Variants in NBEA observed in about 807,000 individuals in gnomAD.
The protein encoded by NBEA is neurobeachin.
NBEA carries 44 observed loss-of-function variants against 343.4 expected under a neutral mutation model. That is an observed-to-expected ratio of 0.13 (90% CI 0.10 to 0.16). The LOEUF is 0.16. Among genes scored for constraint, NBEA ranks in the 10% least tolerant of loss-of-function variants. The probability of loss-of-function intolerance (pLI) is 1.00; values close to 1 mark genes in which losing one functional copy is unlikely to be tolerated. For synonymous variants in NBEA, 1,175 were observed against 1,238.7 expected, an observed-to-expected ratio of 0.95 and a Z score of 1.08; for missense variants, 2,555 against 3,631.3, an observed-to-expected ratio of 0.70 and a Z score of 7.62.
chr13:35,337,114 A>G (rs77422750), intron 36 of NBEA, among the ~76,000 whole-genome samples: 1 of 152,126 alleles, frequency 6.6e-6, no homozygotes, highest in African/African-American at 2.4e-5. Flanking sequence ...AATAAATAAG[A>G]CATATTGAAA....
At chr13:35,156,862 A>G (rs2069207627) in intron 20 of NBEA, among the ~76,000 whole-genome samples, 1 of 152,204 alleles carries the variant, frequency 6.6e-6, no homozygotes, top group African/African-American at 2.4e-5. Flanking sequence ...TGTGAAAGTT[A>G]GGAAAATGAT....
intron 55 of NBEA, among the ~76,000 whole-genome samples, chr13:35,659,968 A>G (rs2085000751): frequency 6.6e-6 from 1 of 152,206 alleles, no homozygotes; most frequent in Admixed American, 6.5e-5. Context: ...AGAGCAGGCA[A>G]TTTGTGCTAA....
At chr13:35,194,521 T>A (rs928002121) in intron 30 of NBEA, among the ~76,000 whole-genome samples, 2 of 152,154 alleles carry the variant, frequency 1.3e-5, no homozygotes, top group Non-Finnish European at 2.9e-5. Flanking sequence ...TTTCAAAGAT[T>A]ATGAAACTTT....
chr13:35,298,247 ATG>A (rs1386018225), intron 35 of NBEA, among the ~76,000 whole-genome samples: 618 of 101,906 alleles, frequency 6.1e-3, no homozygotes, highest in South Asian at 0.017. Context: ...ATATATATAT[ATG>A]TATATGCTTC....
chr13:35,651,724 C>T, intron 52 of NBEA, 81 bp from the exon 53 acceptor site: 1 of 812,444 alleles, frequency 1.2e-6, no homozygotes, highest in Non-Finnish European at 2.1e-6. Context: ...TTTGTAAAAT[C>T]ATCATAAAAC....
chr13:35,143,514 C>T (rs371752230), intron 18 of NBEA, among the ~76,000 whole-genome samples: 6 of 152,170 alleles, frequency 3.9e-5, no homozygotes, highest in South Asian at 4.1e-4. Context: ...CAAGGCCTTG[C>T]GTCTGTTATA....
rs1265698121 is a variant in NBEA, at chr13:34,942,962, G to T, written c.142G>T (p.Ala48Ser). ...CAGCGGGATGGGGGAGCTAAGGGGG[G>T]CGTCCGGCTCCGGCTCGGTGATGCT... ...GGSGMGELRG[A>S]SGSGSVMLPA... The change falls in exon 1 of 59, where the codon GCG becomes TCG. Residue 48 changes from alanine (A) to serine (S), a missense_variant. Transcript: ENST00000379939. 6.3e-7 allele frequency: 1 copy of T among 1,599,840 alleles called. No homozygotes were observed. The highest frequency in any genetic ancestry group is 1.4e-5 in the African/African-American group (1 of 73,732).
chr13:35,494,087 A>G (rs2076590637), intron 41 of NBEA, among the ~76,000 whole-genome samples: 1 of 151,980 alleles, frequency 6.6e-6, no homozygotes, highest in Non-Finnish European at 1.5e-5. Context: ...TAAAGGGTAT[A>G]ATGAATATGA....
At chr13:34,955,982 A>G (rs935200485) in intron 1 of NBEA, among the ~76,000 whole-genome samples, 2 of 152,236 alleles carry the variant, frequency 1.3e-5, no homozygotes, top group African/African-American at 4.8e-5. Context: ...AAAATTAACC[A>G]TCATAAGAGG....
chr13:35,567,809 G>A (rs1226214122), intron 45 of NBEA, among the ~76,000 whole-genome samples: 1 of 152,140 alleles, frequency 6.6e-6, no homozygotes, highest in East Asian at 1.9e-4. Context: ...AGGTTTAAGG[G>A]GCTAATTGAC....
intron 40 of NBEA, among the ~76,000 whole-genome samples, chr13:35,464,281 T>A (rs1374390093): frequency 6.6e-6 from 1 of 152,226 alleles, no homozygotes; most frequent in African/African-American, 2.4e-5. Context: ...TTCCGTTTCA[T>A]CTCACACTGC....
At chr13:35,632,951 C>A (rs2083522757) in intron 49 of NBEA, among the ~76,000 whole-genome samples, 3 of 151,076 alleles carry the variant, frequency 2.0e-5, no homozygotes, top group African/African-American at 7.3e-5. Flanking sequence ...TCCACTCTAT[C>A]CTCCCCATCA....
At chr13:35,355,195 C>T (rs2040423507) in intron 38 of NBEA, among the ~76,000 whole-genome samples, 1 of 137,616 alleles carries the variant, frequency 7.3e-6, no homozygotes, top group East Asian at 1.9e-4. Context: ...ATTGTACCAG[C>T]ATGATATATA....
chr13:34,955,653 T>C (rs1161426131), intron 1 of NBEA, among the ~76,000 whole-genome samples: 5 of 152,212 alleles, frequency 3.3e-5, no homozygotes, highest in Admixed American at 2.6e-4. Context: ...ATGCTAACTA[T>C]AGACTACAGT....
At chr13:35,094,584 T>C (rs2065240654) in intron 10 of NBEA, among the ~76,000 whole-genome samples, 2 of 152,048 alleles carry the variant, frequency 1.3e-5, no homozygotes, top group Non-Finnish European at 2.9e-5. Flanking sequence ...GTTTTTTGTG[T>C]GTCACCGAAA....
chr13:35,254,888 C>T (rs1046839794), intron 34 of NBEA, among the ~76,000 whole-genome samples: 2 of 151,852 alleles, frequency 1.3e-5, no homozygotes, highest in South Asian at 2.1e-4. Flanking sequence ...TTTATTGTTA[C>T]ATTAAAATAA....
At chr13:35,657,255 G>T (rs1232312992) in intron 55 of NBEA, among the ~76,000 whole-genome samples, 1 of 152,208 alleles carries the variant, frequency 6.6e-6, no homozygotes, top group Non-Finnish European at 1.5e-5. Flanking sequence ...TAGGTGTGTT[G>T]TAAAATAGCA....
rs9599969 is a variant in NBEA, at chr13:35,020,861, G to T, written c.295-20072G>T. ...TTGGTGGATTTTTTTTATATGGGGG[G>T]AGGTGTCTTTTTAATCTACTGAGAC... On this transcript the variant is annotated intron_variant, in intron 1 of 58. Transcript: ENST00000379939. Among the ~76,000 whole-genome samples, 1,475 of 152,118 alleles carry T rather than the reference G, an allele frequency of 9.7e-3. 19 individuals are homozygous for T. Among genetic ancestry groups the T allele is most frequent in the African/African-American group, 0.034 (1,422 of 41,488 alleles).
At chr13:35,504,429 C>T (rs1160191733) in intron 41 of NBEA, among the ~76,000 whole-genome samples, 2 of 152,102 alleles carry the variant, frequency 1.3e-5, no homozygotes, top group Admixed American at 1.3e-4. Flanking sequence ...TTGAGCATGC[C>T]CAACTTGGAG....
Sources: allele counts gnomAD v4.1 joint callset (sites outside exome capture counted in the v4.1 genomes callset), GRCh38; gene constraint gnomAD v4.1.1; transcripts MANE v1.5; gene names NCBI Gene and HGNC (gene_info 2026-07-23, HGNC 2026-07-21).